The following TENM1 variants were observed in gnomAD, a reference collection of about 807,000 sequenced individuals.
TENM1 encodes the protein teneurin-1.
A neutral mutation model predicts 174.8 loss-of-function variants in TENM1; 35 were observed. The observed-to-expected ratio is 0.20, with a 90% CI of 0.15 to 0.27. TENM1 has a LOEUF of 0.27. TENM1 is among the 10% of genes least tolerant of loss of function. The pLI is 1.00. For synonymous variants in TENM1, 781 were observed against 798.7 expected (o/e 0.98, Z 0.37); for missense variants, 1,633 against 2,130.1 (o/e 0.77, Z 4.59).
chrX:125,099,234 G>T, the TENM1 span, among the ~76,000 whole-genome samples: 2 of 111,786 alleles, frequency 1.8e-5, no homozygotes, highest in African/African-American at 6.5e-5. Flanking sequence ...TTTTTGTATT[G>T]TCTATCCCAT....
chrX:124,909,632 C>T (rs189677105), intron 1 of TENM1, among the ~76,000 whole-genome samples: 13 of 112,123 alleles, frequency 1.2e-4, no homozygotes, highest in Admixed American at 2.8e-4. Flanking sequence ...ACTTTACCCG[C>T]AACTTGTCAC....
At position 124,909,700 on chromosome X, in the gene TENM1, C is replaced by T. The variant is rs1487909810; in HGVS notation, c.218-13459G>A. Among the ~76,000 whole-genome samples the T allele has an allele frequency of 2.7e-5, 3 of 112,233 alleles. No homozygotes were observed. The Admixed American group carries it at 2.8e-4, about 11-fold the overall frequency. Reference sequence around the variant, plus strand: ...GAGCATATTCTGTGCTTCCAGACAACACAAACAACATCTGTGTCTGCAGGC... The same window carrying T: ...GAGCATATTCTGTGCTTCCAGACAATACAAACAACATCTGTGTCTGCAGGC... On this transcript the variant is annotated intron_variant, in intron 1 of 31. Transcript: ENST00000422452.
intron 1 of TENM1, among the ~76,000 whole-genome samples, chrX:124,906,210 A>T (rs138217988): frequency 1.9e-3 from 212 of 112,243 alleles, no homozygotes; most frequent in Middle Eastern, 9.2e-3. Flanking sequence ...TAAAGTGCTG[A>T]CTATCTCATG....
chrX:125,167,985 C>G, the TENM1 span, among the ~76,000 whole-genome samples: 2 of 111,142 alleles, frequency 1.8e-5, no homozygotes, highest in African/African-American at 6.5e-5. Flanking sequence ...TCAGTCAAAC[C>G]TACTTATACT....
intron 14 of TENM1, among the ~76,000 whole-genome samples, chrX:124,558,827 C>T (rs898318565): frequency 9.0e-6 from 1 of 110,759 alleles, no homozygotes; most frequent in Admixed American, 9.6e-5. Context: ...GGAGCTTTCC[C>T]CCCGTTCCCT....
chrX:124,963,925 G>A (rs761630518), upstream of TENM1: 30 of 442,511 alleles, frequency 6.8e-5, no homozygotes, highest in South Asian at 1.1e-3. Context: ...AAGGAGAGAA[G>A]TAAAAGACAA....
chrX:124,661,448 T>C (rs2051598535), intron 6 of TENM1, among the ~76,000 whole-genome samples: 1 of 112,196 alleles, frequency 8.9e-6, no homozygotes, highest in Admixed American at 9.5e-5. Context: ...TTTAGAATGT[T>C]ACCTGCTACC....
chrX:124,466,926 G>A, intron 22 of TENM1, among the ~76,000 whole-genome samples: 1 of 111,272 alleles, frequency 9.0e-6, no homozygotes, highest in Non-Finnish European at 1.9e-5. Context: ...GCTTGCGGAG[G>A]GACAAAGCAG....
At chrX:124,742,744 A>T (rs2053829511) in intron 3 of TENM1, among the ~76,000 whole-genome samples, 1 of 110,692 alleles carries the variant, frequency 9.0e-6, no homozygotes, top group Non-Finnish European at 1.9e-5. Context: ...GGCCTGTATT[A>T]GTATTTAACC....
chrX:124,518,582 A>G (rs2047771249), intron 18 of TENM1, among the ~76,000 whole-genome samples: 1 of 111,777 alleles, frequency 8.9e-6, no homozygotes, highest in South Asian at 3.8e-4. Context: ...GAAAAAAAGC[A>G]ATACCAGCAA....
intron 20 of TENM1, among the ~76,000 whole-genome samples, chrX:124,494,954 A>G (rs1485267858): frequency 1.1e-5 from 1 of 94,290 alleles, no homozygotes; most frequent in Non-Finnish European, 2.1e-5. Context: ...GCTATCGTGA[A>G]TAATGCCGCA....
chrX:124,596,161 T>A (rs2843508), intron 11 of TENM1, among the ~76,000 whole-genome samples: 27,001 of 111,109 alleles, frequency 0.24, 2,577 homozygotes, highest in South Asian at 0.38. Flanking sequence ...ACACAAAATG[T>A]AATGATTAGA....
At chrX:124,485,156 G>A (rs1354289590) in intron 21 of TENM1, among the ~76,000 whole-genome samples, 1 of 111,449 alleles carries the variant, frequency 9.0e-6, no homozygotes, top group Non-Finnish European at 1.9e-5. Context: ...AATCAGGCCT[G>A]CAAATACTAA....
At chrX:124,716,843 A>G (rs1481432496) in intron 4 of TENM1, among the ~76,000 whole-genome samples, 1 of 111,389 alleles carries the variant, frequency 9.0e-6, no homozygotes, top group African/African-American at 3.3e-5. Flanking sequence ...CCAAATGGTA[A>G]GGAACGCACT....
At chrX:124,484,640 G>A (rs1232833632) in intron 21 of TENM1, among the ~76,000 whole-genome samples, 3 of 110,962 alleles carry the variant, frequency 2.7e-5, no homozygotes, top group Non-Finnish European at 5.7e-5. Flanking sequence ...TGACTCATGT[G>A]TCCCTTTGCC....
At chrX:124,586,884 T>C (rs1483110524) in intron 11 of TENM1, among the ~76,000 whole-genome samples, 4 of 109,272 alleles carry the variant, frequency 3.7e-5, no homozygotes, top group African/African-American at 1.4e-4. Flanking sequence ...AGCATTCTTA[T>C]ACACCAATAA....
At chrX:124,849,531 G>C (rs977434445) in intron 3 of TENM1, among the ~76,000 whole-genome samples, 4 of 101,957 alleles carry the variant, frequency 3.9e-5, no homozygotes, top group African/African-American at 1.8e-4. Flanking sequence ...TCTAGTAGTT[G>C]AGAGTGACCC....
the TENM1 span, among the ~76,000 whole-genome samples, chrX:125,112,811 A>T: frequency 4.5e-5 from 5 of 111,663 alleles, no homozygotes; most frequent in East Asian, 1.4e-3. Context: ...AAAATTAAAG[A>T]TCTAAATAAA....
At chrX:124,848,932 G>A in intron 3 of TENM1, among the ~76,000 whole-genome samples, 1 of 111,227 alleles carries the variant, frequency 9.0e-6, no homozygotes. Context: ...GTAAGGAGGA[G>A]GTGCAGAATA....
Sources: allele counts gnomAD v4.1 joint callset (sites outside exome capture counted in the v4.1 genomes callset), GRCh38; gene constraint gnomAD v4.1.1; transcripts MANE v1.5; gene names NCBI Gene and HGNC (gene_info 2026-07-23, HGNC 2026-07-21).